Variants in TMEM135 observed in about 807,000 individuals in gnomAD.
The protein encoded by TMEM135 is peroxisomal membrane protein 52.
Under a neutral mutation model 60.3 loss-of-function variants are expected in TMEM135, and 30 were observed. The ratio of observed to expected loss-of-function variants is 0.50; its 90% CI spans 0.37 to 0.68. The LOEUF is 0.68. Among genes scored for constraint, TMEM135 ranks in the 30% least tolerant of loss-of-function variants. The pLI is 0.00. For missense variants in TMEM135, 468 were observed against 548.8 expected (o/e 0.85, Z 1.47); for synonymous variants, 190 against 186.7 (o/e 1.02, Z -0.14).
At chr11:87,169,218 T>G (rs1382875543) in intron 5 of TMEM135, among the ~76,000 whole-genome samples, 1 of 149,444 alleles carries the variant, frequency 6.7e-6, no homozygotes, top group East Asian at 2.0e-4. Flanking sequence ...ATGGGACTCC[T>G]GAACACAGCA....
At chr11:87,130,121 T>TA (rs112889721) in intron 4 of TMEM135, among the ~76,000 whole-genome samples, 3 of 148,142 alleles carry the variant, frequency 2.0e-5, no homozygotes, top group African/African-American at 2.5e-5. Context: ...AGTACATTTT[T>TA]AAAAAAAAAA....
chr11:87,206,024 G>A (rs1177314165), intron 5 of TMEM135, among the ~76,000 whole-genome samples: 1 of 152,066 alleles, frequency 6.6e-6, no homozygotes, highest in East Asian at 1.9e-4. Context: ...ATATCTGTAG[G>A]TCTCATCTGG....
chr11:87,158,979 G>C (rs1938786470), intron 5 of TMEM135, among the ~76,000 whole-genome samples: 1 of 152,154 alleles, frequency 6.6e-6, no homozygotes, highest in Non-Finnish European at 1.5e-5. Flanking sequence ...GCAATGAACT[G>C]TTGAACTTAT....
chr11:87,176,182 C>G (rs181377105), intron 5 of TMEM135, among the ~76,000 whole-genome samples: 1 of 152,196 alleles, frequency 6.6e-6, no homozygotes, highest in African/African-American at 2.4e-5. Context: ...TTATCAATGA[C>G]TTGGTGCCTT....
chr11:87,294,869 T>C (rs923575401), intron 6 of TMEM135, among the ~76,000 whole-genome samples: 2 of 139,756 alleles, frequency 1.4e-5, no homozygotes, highest in African/African-American at 5.5e-5. Context: ...AAGATCTTGT[T>C]TAAATATTTT....
chr11:87,134,918 T>C (rs1938048797), intron 4 of TMEM135, among the ~76,000 whole-genome samples: 1 of 152,352 alleles, frequency 6.6e-6, no homozygotes, highest in East Asian at 1.9e-4. Flanking sequence ...GGCCAGTCTT[T>C]TAAAATTTAG....
At chr11:87,278,636 A>C (rs1222925417) in intron 6 of TMEM135, among the ~76,000 whole-genome samples, 1 of 152,132 alleles carries the variant, frequency 6.6e-6, no homozygotes. Flanking sequence ...GGTCTCCCAG[A>C]GTGCTGGGAT....
chr11:87,318,022 C>A, intron 12 of TMEM135, 115 bp from the exon 13 acceptor site: 2 of 788,070 alleles, frequency 2.5e-6, no homozygotes, highest in Non-Finnish European at 4.4e-6. Flanking sequence ...ATCGTTTGAG[C>A]TCTGAAGGGA....
intron 5 of TMEM135, among the ~76,000 whole-genome samples, chr11:87,205,447 G>T (rs896480409): frequency 6.6e-6 from 1 of 152,158 alleles, no homozygotes; most frequent in Non-Finnish European, 1.5e-5. Context: ...CCCGCTAGAA[G>T]TTGCTTGTAG....
At chr11:87,063,485 T>C (rs1949968522) in intron 1 of TMEM135, among the ~76,000 whole-genome samples, 3 of 152,246 alleles carry the variant, frequency 2.0e-5, no homozygotes, top group Admixed American at 2.0e-4. Flanking sequence ...GCAAGTGCTA[T>C]TGTAATTACT....
intron 5 of TMEM135, among the ~76,000 whole-genome samples, chr11:87,225,074 C>G (rs1940737535): frequency 6.6e-6 from 1 of 152,090 alleles, no homozygotes; most frequent in Admixed American, 6.5e-5. Flanking sequence ...TTAACACAGA[C>G]TATATTTTAA....
intron 3 of TMEM135, among the ~76,000 whole-genome samples, chr11:87,075,316 AT>A (rs945983028): frequency 4.2e-4 from 62 of 146,340 alleles, no homozygotes; most frequent in Middle Eastern, 3.5e-3. Context: ...CCGCCAGCTA[AT>A]TTTTTTTTTT....
chr11:87,122,688 T>G (rs548763131), intron 4 of TMEM135, among the ~76,000 whole-genome samples: 3 of 152,114 alleles, frequency 2.0e-5, no homozygotes, highest in Admixed American at 1.3e-4. Flanking sequence ...CTCAAACTTC[T>G]GACCTCAGGT....
chr11:87,041,076 A>G (rs779324545), intron 1 of TMEM135, among the ~76,000 whole-genome samples: 56 of 152,234 alleles, frequency 3.7e-4, no homozygotes, highest in Non-Finnish European at 8.1e-4. Context: ...TACATTGTCT[A>G]TAACAGAACG....
chr11:87,326,729 G>A lies in TMEM135; in HGVS notation c.*5396G>A. ...TCCTTATTTTTCTATTTATTTCAGG[G>A]AAAATTGAAGGTAAATAATATCTGC... On this transcript the variant is annotated 3_prime_UTR_variant, in exon 15 of 15. Transcript: ENST00000305494. 2.2e-6 allele frequency: 1 copy of A among 446,986 alleles called. No homozygotes were observed. Among genetic ancestry groups the A allele is most frequent in the Non-Finnish European group, 4.4e-6 (1 of 225,216 alleles). 27.7% of individuals were successfully genotyped at this position (446,986 alleles called of 1,614,324 possible). A position where few individuals can be genotyped will look rare whatever the true frequency, so the allele number is the denominator to read the frequency against.
intron 6 of TMEM135, among the ~76,000 whole-genome samples, chr11:87,236,982 T>C (rs538298600): frequency 6.6e-6 from 1 of 152,090 alleles, no homozygotes; most frequent in East Asian, 1.9e-4. Context: ...TTTTTATCTT[T>C]TATGGACCTG....
intron 5 of TMEM135, among the ~76,000 whole-genome samples, chr11:87,234,939 T>C (rs549313784): frequency 1.2e-4 from 18 of 152,018 alleles, no homozygotes; most frequent in African/African-American, 3.9e-4. Flanking sequence ...TGTGAAAGAT[T>C]TGTGGGATAC....
chr11:87,295,752 T>C lies in TMEM135; in HGVS notation c.510-30T>C. 3.2e-6 allele frequency: 5 copies of C among 1,574,948 alleles called. No individual in the cohort carries two copies. The South Asian group carries it at 3.5e-5, about 11-fold the overall frequency. The stretch of plus-strand genomic sequence containing the variant: ...GGTACTTGTATCTCAAAATATGTTA[T>C]TTTATGATTGTAAATTCTTATTGTT... On this transcript the variant is annotated intron_variant, in intron 6 of 14. Coordinates refer to ENST00000305494, the MANE Select transcript of TMEM135 (RefSeq NM_022918.4).
chr11:87,141,331 A>G (rs1251157079), intron 4 of TMEM135, among the ~76,000 whole-genome samples: 1 of 152,088 alleles, frequency 6.6e-6, no homozygotes, highest in African/African-American at 2.4e-5. Context: ...AATGTTTAAT[A>G]TATTTGTATT....
Sources: gnomAD v4.1 joint callset for allele counts (sites outside exome capture counted in the v4.1 genomes callset) on GRCh38, gnomAD v4.1.1 for gene constraint, MANE v1.5 for transcripts, NCBI Gene and HGNC (gene_info 2026-07-23, HGNC 2026-07-21) for gene names.